Variants in ASH1L observed in about 807,000 individuals in gnomAD.
ASH1L encodes ASH1 like histone lysine methyltransferase, also known as histone-lysine N-methyltransferase ASH1L.
In ASH1L, 23 loss-of-function variants were observed where a neutral mutation model predicts 269.0. The ratio of observed to expected loss-of-function variants is 0.09; its 90% CI spans 0.06 to 0.12. ASH1L has a LOEUF of 0.12. ASH1L is among the 10% of genes least tolerant of loss of function. The pLI, the probability that ASH1L is intolerant of heterozygous loss-of-function variation, is 1.00. For missense variants in ASH1L, 2,912 were observed against 3,567.8 expected, an observed-to-expected ratio of 0.82 and a Z score of 4.68; for synonymous variants, 1,187 against 1,253.5, an observed-to-expected ratio of 0.95 and a Z score of 1.12.
chr1:155,494,738 C>T (rs867903413), intron 2 of ASH1L, among the ~76,000 whole-genome samples: 1 of 152,184 alleles, frequency 6.6e-6, no homozygotes, highest in Admixed American at 6.5e-5. Flanking sequence ...ACTTACTAAA[C>T]ATCAAAGTAG....
chr1:155,526,530 G>A (rs955212826), intron 1 of ASH1L, among the ~76,000 whole-genome samples: 6 of 152,032 alleles, frequency 3.9e-5, no homozygotes, highest in Admixed American at 6.6e-5. Flanking sequence ...CACTAACTCC[G>A]AGTAAGCCCT....
intron 2 of ASH1L, among the ~76,000 whole-genome samples, chr1:155,502,423 C>T (rs940507934): frequency 6.6e-6 from 1 of 152,120 alleles, no homozygotes; most frequent in African/African-American, 2.4e-5. Flanking sequence ...TACTCACATT[C>T]TCAAGCTATA....
intron 21 of ASH1L, among the ~76,000 whole-genome samples, chr1:155,345,174 CT>C (rs397981613): frequency 1.6e-4 from 10 of 64,036 alleles, no homozygotes; most frequent in African/African-American, 5.2e-4. Flanking sequence ...CCAGGATGGT[CT>C]TTTTTTTTTT....
chr1:155,426,286 T>C (rs1661148501), intron 5 of ASH1L, among the ~76,000 whole-genome samples: 1 of 151,808 alleles, frequency 6.6e-6, no homozygotes, highest in Non-Finnish European at 1.5e-5. Flanking sequence ...CCCAGGCTGG[T>C]CTCGAACTCC....
At chr1:155,476,630 C>T (rs550098994) in intron 3 of ASH1L, among the ~76,000 whole-genome samples, 1 of 151,422 alleles carries the variant, frequency 6.6e-6, no homozygotes, top group East Asian at 2.0e-4. Flanking sequence ...CGGCTCACTG[C>T]AAGCTCCACC....
intron 1 of ASH1L, 37 bp downstream of exon 1, chr1:155,562,116 C>T (rs1672021944): frequency 7.4e-7 from 1 of 1,348,108 alleles, no homozygotes; most frequent in Non-Finnish European, 1.0e-6. Flanking sequence ...TGAGAGAGTG[C>T]TTAGGCCCGA....
intron 4 of ASH1L, among the ~76,000 whole-genome samples, chr1:155,453,634 T>C (rs2148660443): frequency 6.6e-6 from 1 of 151,812 alleles, no homozygotes; most frequent in South Asian, 2.1e-4. Flanking sequence ...ACCCCATCTC[T>C]ACTAAAAATA....
intron 3 of ASH1L, among the ~76,000 whole-genome samples, chr1:155,466,278 C>T (rs1197924071): frequency 2.6e-5 from 4 of 151,992 alleles, no homozygotes; most frequent in Admixed American, 2.0e-4. Context: ...GGCATGAACC[C>T]GGGAGGCAGA....
rs1001568799 is a variant in ASH1L at position 155,343,632 on chromosome 1, G to A, written c.8092C>T (p.Arg2698Cys). 3.7e-6 allele frequency: 6 copies of A among 1,614,188 alleles called. No individual in the cohort carries two copies. The highest frequency in any genetic ancestry group is 2.2e-5 in the East Asian group (1 of 44,882). The change falls in exon 23 of 28, where the codon CGC becomes TGC. Residue 2698 changes from arginine to cysteine, a missense_variant. By Grantham distance (180) the Arg-to-Cys change is radical. Around this residue, in one of 13 missense-constraint regions of ASH1L, gnomAD observed 179 missense variants for 293.8 expected, o/e 0.61. Coordinates refer to ENST00000392403, the MANE Select transcript of ASH1L (RefSeq NM_018489.3). This position sits in a 1 kb window ranked among gnomAD's most constrained non-coding sequence, Gnocchi z 6.1. Reference protein sequence around the residue: ...HINRDKLDIFRIEKLWKNEKE... With the variant: ...HINRDKLDIFCIEKLWKNEKE... ...TCATTCTTCCAAAGCTTCTCAATGC[G>A]AAAGATGTCAAGTTTATCTCGGTTA... is the stretch of plus-strand genomic sequence containing the variant.
chr1:155,416,029 G>A, intron 5 of ASH1L, 106 bp from the exon 6 acceptor site: 1 of 900,924 alleles, frequency 1.1e-6, no homozygotes, highest in Non-Finnish European at 1.6e-6. Flanking sequence ...AAAGAGATAT[G>A]GGGACTTCCT....
In ASH1L at chr1:155,407,064, A is replaced by C. The variant is rs538577521; in HGVS notation, c.6008+8680T>G. Among the ~76,000 whole-genome samples the C allele has an allele frequency of 1.1e-4, 16 of 152,244 alleles. No homozygotes were observed. The East Asian group carries it at 3.1e-3, about 29-fold the overall frequency. ...ATGGTGAAACCCCATCTCTACTAAG[A>C]ATACAAAAATTAGCCAGGCGTGGTG... On this transcript the variant is annotated intron_variant, in intron 6 of 27. Coordinates refer to ENST00000392403, the MANE Select transcript of ASH1L (RefSeq NM_018489.3).
At chr1:155,455,058 A>C (rs897307936) in intron 4 of ASH1L, among the ~76,000 whole-genome samples, 5 of 152,200 alleles carry the variant, frequency 3.3e-5, no homozygotes, top group Non-Finnish European at 4.4e-5. Flanking sequence ...GTTCTCTAGA[A>C]TGTGAAAATT....
intron 5 of ASH1L, among the ~76,000 whole-genome samples, chr1:155,419,030 A>C (rs1362253762): frequency 1.3e-5 from 2 of 152,106 alleles, no homozygotes; most frequent in Non-Finnish European, 2.9e-5. Flanking sequence ...GCACCACTGC[A>C]CTCCAGCCTG....
chr1:155,417,480 T>C (rs1408266806), intron 5 of ASH1L, among the ~76,000 whole-genome samples: 1 of 152,322 alleles, frequency 6.6e-6, no homozygotes, highest in Admixed American at 6.5e-5. Flanking sequence ...AAATTCCATA[T>C]GGCTGAACAA....
At chr1:155,413,380 C>T (rs943908541) in intron 6 of ASH1L, among the ~76,000 whole-genome samples, 1 of 152,006 alleles carries the variant, frequency 6.6e-6, no homozygotes, top group African/African-American at 2.4e-5. Flanking sequence ...CAGAGGAGGG[C>T]GGATCACCTG....
chr1:155,509,608 G>C (rs763478984), intron 2 of ASH1L, among the ~76,000 whole-genome samples: 26 of 152,142 alleles, frequency 1.7e-4, no homozygotes, highest in Non-Finnish European at 3.2e-4. Context: ...AGACCAGCCT[G>C]ACCAACGTGA....
chr1:155,503,455 G>A (rs1046555946), intron 2 of ASH1L, among the ~76,000 whole-genome samples: 11 of 152,168 alleles, frequency 7.2e-5, no homozygotes, highest in African/African-American at 2.6e-4. Flanking sequence ...AGTAAATTAG[G>A]ACTTGGCTGT....
intron 2 of ASH1L, among the ~76,000 whole-genome samples, chr1:155,495,189 A>C (rs1667065919): frequency 6.6e-6 from 1 of 152,214 alleles, no homozygotes; most frequent in Non-Finnish European, 1.5e-5. Flanking sequence ...GGAAACAGTG[A>C]AGTGGGGTGA....
intron 4 of ASH1L, among the ~76,000 whole-genome samples, chr1:155,454,149 A>G (rs1212155943): frequency 6.6e-6 from 1 of 152,208 alleles, no homozygotes; most frequent in African/African-American, 2.4e-5. Context: ...TAATTCAGTG[A>G]TAAGAATTTC....
Sources: gnomAD v4.1 joint callset for allele counts (sites outside exome capture counted in the v4.1 genomes callset) on GRCh38, gnomAD v4.1.1 for gene constraint, gnomAD v4.1.1 regional missense constraint, Gnocchi (gnomAD v3.1) non-coding constraint, MANE v1.5 for transcripts, NCBI Gene and HGNC (gene_info 2026-07-23, HGNC 2026-07-21) for gene names.